SMARCA1: variants seen among roughly 807,000 people sequenced by gnomAD.
SMARCA1 encodes SWI/SNF-related matrix-associated actin-dependent regulator of chromatin subfamily A member 1.
A neutral mutation model predicts 93.6 loss-of-function variants in SMARCA1; 17 were observed. The ratio of observed to expected loss-of-function variants is 0.18; its 90% confidence interval spans 0.12 to 0.27. The LOEUF is 0.27. Among genes scored for constraint, SMARCA1 ranks in the 10% least tolerant of loss-of-function variants. The probability of loss-of-function intolerance (pLI) is 1.00; values close to 1 mark genes in which losing one functional copy is unlikely to be tolerated. For missense variants in SMARCA1, 630 were observed against 819.0 expected (o/e 0.77, Z 2.82); for synonymous variants, 271 against 271.4 (o/e 1.00, Z 0.01).
At chrX:129,482,237 C>T (rs1462498578) in intron 17 of SMARCA1, among the ~76,000 whole-genome samples, 3 of 98,672 alleles carry the variant, frequency 3.0e-5, no homozygotes, top group South Asian at 5.3e-4. Flanking sequence ...TGCTAAATGA[C>T]GAGTTAGTGG....
intron 14 of SMARCA1, among the ~76,000 whole-genome samples, chrX:129,490,477 C>G (rs1223026420): frequency 2.7e-5 from 3 of 111,845 alleles, no homozygotes; most frequent in African/African-American, 9.7e-5. Context: ...TACTAAGTAA[C>G]TTTAAGCCAC....
chrX:129,500,984 C>T (rs1480973637), intron 9 of SMARCA1, among the ~76,000 whole-genome samples: 1 of 112,254 alleles, frequency 8.9e-6, no homozygotes, highest in Non-Finnish European at 1.9e-5. Context: ...CAGGTTATAT[C>T]ACAAGACAAT....
chrX:129,472,839 C>T (rs1042729670), intron 19 of SMARCA1, among the ~76,000 whole-genome samples: 1 of 111,723 alleles, frequency 9.0e-6, no homozygotes, highest in Admixed American at 9.5e-5. Flanking sequence ...CCTTTGGACG[C>T]AATGTCAGAG....
chrX:129,457,024 G>C (rs1383935599), intron 23 of SMARCA1, among the ~76,000 whole-genome samples: 1 of 111,727 alleles, frequency 9.0e-6, no homozygotes, highest in Non-Finnish European at 1.9e-5. Flanking sequence ...TTTTGTGAAA[G>C]GAGGAGTCAA....
intron 23 of SMARCA1, among the ~76,000 whole-genome samples, chrX:129,452,372 A>C (rs1932351586): frequency 8.9e-6 from 1 of 112,393 alleles, no homozygotes; most frequent in Non-Finnish European, 1.9e-5. Flanking sequence ...GGAGAAAAAC[A>C]GCACACAAGA....
Position 129,511,934 on chromosome X carries a change from T to C in SMARCA1, c.680A>G (p.His227Arg). 1 of 1,207,830 alleles carries C rather than the reference T, an allele frequency of 8.3e-7. No individual in the cohort carries two copies. The highest frequency in any genetic ancestry group is 2.2e-5 in the Admixed American group (1 of 45,702). ...GTGAGGTCCAGGAATATTTCGGTAGTGTTTCAGGTAACCAAGCAAAGCAAT... is the reference window on the plus strand; with the variant it reads ...GTGAGGTCCAGGAATATTTCGGTAGCGTTTCAGGTAACCAAGCAAAGCAAT... ...QTIALLGYLK[H>R]YRNIPGPHMV... The change falls in exon 6 of 25, where the codon CAC becomes CGC. Residue 227 changes from histidine to arginine, a missense_variant. Physicochemically the swap from His to Arg is conservative, Grantham distance 29 (BLOSUM62 0). Transcript: ENST00000371121.
intron 5 of SMARCA1, among the ~76,000 whole-genome samples, chrX:129,513,174 A>AT (rs895097485): frequency 2.7e-5 from 3 of 111,618 alleles, no homozygotes; most frequent in African/African-American, 6.5e-5. Context: ...TTAATTATTC[A>AT]TTTTTTTCCA....
At chrX:129,466,645 AC>A (rs1932915651) in intron 21 of SMARCA1, among the ~76,000 whole-genome samples, 2 of 110,631 alleles carry the variant, frequency 1.8e-5, no homozygotes, top group South Asian at 7.6e-4. Flanking sequence ...ATTAAGTGAG[AC>A]TCCATCTCAA....
intron 8 of SMARCA1, among the ~76,000 whole-genome samples, chrX:129,505,164 A>G (rs1238350846): frequency 8.9e-6 from 1 of 112,054 alleles, no homozygotes; most frequent in Non-Finnish European, 1.9e-5. Flanking sequence ...AAAGCAAGAT[A>G]AAGTGTGCAA....
intron 5 of SMARCA1, 76 bp downstream of exon 5, chrX:129,515,611 G>T: frequency 1.4e-6 from 1 of 689,687 alleles, no homozygotes; most frequent in Non-Finnish European, 2.3e-6. Flanking sequence ...CAGGGGGGCA[G>T]GTAAGCTCAG....
intron 23 of SMARCA1, among the ~76,000 whole-genome samples, chrX:129,455,183 T>G (rs1052796050): frequency 9.0e-6 from 1 of 111,563 alleles, no homozygotes; most frequent in Admixed American, 9.5e-5. Flanking sequence ...CTTTTCACAA[T>G]AGCAAAGACT....
At chrX:129,463,312 T>A (rs1229870585) in intron 23 of SMARCA1, among the ~76,000 whole-genome samples, 1 of 111,685 alleles carries the variant, frequency 9.0e-6, no homozygotes, top group Non-Finnish European at 1.9e-5. Context: ...TAAAAGGAGT[T>A]CTCTGCTAAA....
In SMARCA1 at chrX:129,492,006, C is replaced by G; in HGVS notation, c.1750G>C (p.Ala584Pro). The G allele has an allele frequency of 8.4e-7, 1 of 1,196,884 alleles. No homozygotes were observed. The highest frequency in any genetic ancestry group is 1.8e-5 in the South Asian group (1 of 56,367). Residue 584 changes from alanine to proline, a missense_variant, in exon 14 of 25, where the codon GCA becomes CCA. Coordinates refer to ENST00000371121, the MANE Select transcript of SMARCA1 (RefSeq NM_001282874.2). ...TRAGGLGINL[A>P]SADVVILYDS... ...TATAGTATAACCACATCAGCACTTG[C>G]CAGGTTAATTCCGAGACCTCCAGCC...
intron 17 of SMARCA1, among the ~76,000 whole-genome samples, chrX:129,483,097 A>G (rs1269526388): frequency 8.9e-6 from 1 of 112,458 alleles, no homozygotes; most frequent in South Asian, 3.7e-4. Context: ...ATCAATGTGG[A>G]AAGTTAGAGA....
At chrX:129,469,185 G>A (rs191135291) in intron 20 of SMARCA1, among the ~76,000 whole-genome samples, 146 of 111,374 alleles carry the variant, frequency 1.3e-3, no homozygotes, top group African/African-American at 4.4e-3. Flanking sequence ...AAATACAAAT[G>A]CATGAAAATA....
chrX:129,447,319 TA>T (rs879017238), intron 24 of SMARCA1, 86 bp from the exon 25 acceptor site: 280 of 981,999 alleles, frequency 2.9e-4, no homozygotes, highest in Middle Eastern at 1.5e-3. Flanking sequence ...GTAAATGCAT[TA>T]AAAAAAAATT....
intron 1 of SMARCA1, among the ~76,000 whole-genome samples, chrX:129,522,455 C>A (rs893096485): frequency 6.8e-5 from 6 of 87,835 alleles, no homozygotes; most frequent in African/African-American, 2.7e-4. Flanking sequence ...CCGTCGGGGG[C>A]GGGGCAGAAG....
chrX:129,521,366 T>C (rs1935388200), intron 1 of SMARCA1, among the ~76,000 whole-genome samples: 1 of 111,491 alleles, frequency 9.0e-6, no homozygotes, highest in Admixed American at 9.5e-5. Flanking sequence ...AGTGTCAAGG[T>C]AGTATGTAAT....
intron 1 of SMARCA1, 146 bp downstream of exon 1, chrX:129,523,051 G>T: frequency 1.6e-6 from 1 of 639,920 alleles, no homozygotes; most frequent in Admixed American, 3.4e-5. Context: ...ACGCCAGGCG[G>T]TTCCGCCGCC....
Sources: allele counts gnomAD v4.1 joint callset (sites outside exome capture counted in the v4.1 genomes callset), GRCh38; gene constraint gnomAD v4.1.1; transcripts MANE v1.5; gene names NCBI Gene and HGNC (gene_info 2026-07-23, HGNC 2026-07-21).